The following ARSB variants were observed in gnomAD, a reference collection of about 807,000 sequenced individuals.
ARSB encodes the protein arylsulfatase B.
A neutral mutation model predicts 50.9 loss-of-function variants in ARSB; 41 were observed. The ratio of observed to expected loss-of-function variants is 0.81; its 90% CI spans 0.63 to 1.04. ARSB has a LOEUF of 1.04. Ranked by LOEUF, ARSB falls within the 50% of genes least tolerant of loss-of-function variation. The pLI is 0.00. For missense variants in ARSB, 672 were observed against 693.3 expected (o/e 0.97, Z 0.35); for synonymous variants, 269 against 284.8 (o/e 0.94, Z 0.56).
At chr5:78,801,682 T>G (rs1473312576) in intron 6 of ARSB, among the ~76,000 whole-genome samples, 2 of 152,100 alleles carry the variant, frequency 1.3e-5, no homozygotes, top group Admixed American at 1.3e-4. Flanking sequence ...TGCAGTTGGG[T>G]GTGTGCTGGC....
At chr5:78,802,801 T>G (rs73120693) in intron 6 of ARSB, among the ~76,000 whole-genome samples, 4,024 of 152,266 alleles carry the variant, frequency 0.026, 180 homozygotes, top group African/African-American at 0.09. Flanking sequence ...GGTGTCCACG[T>G]TGGGGTGGCC....
intron 6 of ARSB, among the ~76,000 whole-genome samples, chr5:78,805,761 T>A (rs1338873738): frequency 6.6e-6 from 1 of 152,238 alleles, no homozygotes; most frequent in Admixed American, 6.5e-5. Context: ...TATCATCGAC[T>A]GAGCAGCCGG....
At chr5:78,932,272 G>A (rs1047834494) in intron 4 of ARSB, among the ~76,000 whole-genome samples, 11 of 152,182 alleles carry the variant, frequency 7.2e-5, no homozygotes, top group African/African-American at 2.2e-4. Flanking sequence ...ATGTGACTGA[G>A]GCAGCCTATA....
chr5:78,977,573 T>C (rs1286195785), intron 1 of ARSB, among the ~76,000 whole-genome samples: 2 of 152,140 alleles, frequency 1.3e-5, no homozygotes, highest in Non-Finnish European at 2.9e-5. Flanking sequence ...CAGTAAACAT[T>C]TGTTGAATGA....
chr5:78,928,640 G>A (rs553005460), intron 4 of ARSB, among the ~76,000 whole-genome samples: 1 of 152,072 alleles, frequency 6.6e-6, no homozygotes, highest in South Asian at 2.1e-4. Flanking sequence ...TGTGAATGAA[G>A]GAATAAAGTT....
chr5:78,812,499 T>C (rs1743845248), intron 6 of ARSB, among the ~76,000 whole-genome samples: 1 of 151,972 alleles, frequency 6.6e-6, no homozygotes, highest in Admixed American at 6.6e-5. Context: ...CAAATCAATT[T>C]GGTAAAGATA....
At position 78,854,215 on chromosome 5, in the gene ARSB, C is replaced by T. The variant is rs146341898; in HGVS notation, c.1143-14789G>A. On this transcript the variant is annotated intron_variant, in intron 5 of 7. Coordinates refer to ENST00000264914, the MANE Select transcript of ARSB (RefSeq NM_000046.5). The stretch of plus-strand genomic sequence containing the variant: ...TCAGCCATCTTGGCTGCCAGATCTC[C>T]GTGAATTTTGTTTATTTCTGCTTTC... Among the ~76,000 whole-genome samples the T allele has an allele frequency of 8.5e-4, 130 of 152,314 alleles. No individual in the cohort carries two copies. The East Asian group carries it at 0.014, about 17-fold the overall frequency.
chr5:78,842,243 G>C (rs1041147182), intron 5 of ARSB, among the ~76,000 whole-genome samples: 2 of 152,134 alleles, frequency 1.3e-5, no homozygotes, highest in African/African-American at 4.8e-5. Flanking sequence ...TGGGGGCATG[G>C]GACAGAAACG....
intron 1 of ARSB, among the ~76,000 whole-genome samples, chr5:78,983,825 G>A (rs1753024024): frequency 6.6e-6 from 1 of 152,136 alleles, no homozygotes; most frequent in African/African-American, 2.4e-5. Flanking sequence ...GATCTGACAG[G>A]TTATGCGAAC....
intron 4 of ARSB, among the ~76,000 whole-genome samples, chr5:78,940,255 T>C (rs573859700): frequency 6.6e-6 from 1 of 152,350 alleles, no homozygotes; most frequent in South Asian, 2.1e-4. Flanking sequence ...GATGGTAGTT[T>C]CTTTTGCTGT....
chr5:78,800,195 G>A (rs892151333), intron 6 of ARSB, among the ~76,000 whole-genome samples: 3 of 152,002 alleles, frequency 2.0e-5, no homozygotes, highest in Non-Finnish European at 4.4e-5. Flanking sequence ...GTGTGCACCT[G>A]TAGTCCCAGC....
intron 4 of ARSB, among the ~76,000 whole-genome samples, chr5:78,946,325 C>T (rs557224682): frequency 7.9e-5 from 12 of 152,214 alleles, no homozygotes; most frequent in Non-Finnish European, 1.2e-4. Flanking sequence ...GCAGATGATA[C>T]GATCTTACAT....
At chr5:78,798,926 C>T (rs532993961) in intron 6 of ARSB, among the ~76,000 whole-genome samples, 1 of 152,330 alleles carries the variant, frequency 6.6e-6, no homozygotes, top group South Asian at 2.1e-4. Flanking sequence ...TAGTCACTGA[C>T]ATGAGGGCCA....
intron 4 of ARSB, among the ~76,000 whole-genome samples, chr5:78,918,529 C>T (rs1749660136): frequency 6.6e-6 from 1 of 150,700 alleles, no homozygotes. Flanking sequence ...TTTTAAGTGG[C>T]AAAAATCTCA....
chr5:78,927,156 G>A (rs937284713), intron 4 of ARSB, among the ~76,000 whole-genome samples: 11 of 152,088 alleles, frequency 7.2e-5, no homozygotes, highest in Admixed American at 2.0e-4. Flanking sequence ...GAGCCACCAC[G>A]CCTGCCTGGC....
At chr5:78,839,464 C>A in intron 5 of ARSB, 38 bp from the exon 6 acceptor site, 2 of 1,520,582 alleles carry the variant, frequency 1.3e-6, no homozygotes, top group South Asian at 1.1e-5. Flanking sequence ...AATTTCCTCT[C>A]TCTAATGGGC....
chr5:78,919,428 G>A (rs971729201), intron 4 of ARSB, among the ~76,000 whole-genome samples: 13 of 152,172 alleles, frequency 8.5e-5, no homozygotes, highest in African/African-American at 3.1e-4. Flanking sequence ...TGTGTGCTTA[G>A]TGTGCAGCCC....
chr5:78,954,330 G>A (rs1379108459), intron 4 of ARSB, among the ~76,000 whole-genome samples: 1 of 152,128 alleles, frequency 6.6e-6, no homozygotes, highest in African/African-American at 2.4e-5. Context: ...ACATCACAGT[G>A]AAATTTCAGA....
chr5:78,881,890 G>A (rs1175102057), intron 5 of ARSB, among the ~76,000 whole-genome samples: 1 of 152,214 alleles, frequency 6.6e-6, no homozygotes, highest in Non-Finnish European at 1.5e-5. Flanking sequence ...GTATACATGG[G>A]AGCCTTTAGA....
Sources: allele counts gnomAD v4.1 joint callset (sites outside exome capture counted in the v4.1 genomes callset), GRCh38; gene constraint gnomAD v4.1.1; transcripts MANE v1.5; gene names NCBI Gene and HGNC (gene_info 2026-07-23, HGNC 2026-07-21).